Variants in PIEZO2 observed in about 807,000 individuals in gnomAD.
PIEZO2 encodes the protein piezo-type mechanosensitive ion channel component 2.
Under a neutral mutation model 337.3 loss-of-function variants are expected in PIEZO2, and 172 were observed. That is an observed-to-expected ratio of 0.51 (90% CI 0.45 to 0.58). PIEZO2 has a LOEUF of 0.58. PIEZO2 is among the 20% of genes least tolerant of loss of function. The pLI is 0.00. For synonymous variants in PIEZO2, 1,251 were observed against 1,228.5 expected, an observed-to-expected ratio of 1.02 and a Z score of -0.38; for missense variants, 3,028 against 3,391.3, an observed-to-expected ratio of 0.89 and a Z score of 2.66.
Position 11,048,114 on chromosome 18 carries a change from C to T in PIEZO2, c.160+18013G>A, listed in dbSNP as rs902325981. 6.6e-6 allele frequency among the ~76,000 whole-genome samples: 1 copy of T among 152,330 alleles called. No homozygotes were observed. The highest frequency in any genetic ancestry group is 1.9e-4 in the East Asian group (1 of 5,184). ...CCACTGCCACCAACAGCATGTGACA[C>T]CTCTTCAAGCCTGAAAGCCCCTGCT... is the stretch of plus-strand genomic sequence containing the variant. On this transcript the variant is annotated intron_variant, in intron 2 of 55. Transcript: ENST00000674853. This position sits in a 1 kb window ranked among gnomAD's most constrained non-coding sequence, Gnocchi z 4.5.
Position 10,762,614 on chromosome 18 carries a change from A to AT in PIEZO2, c.3134dup (p.Asn1045LysfsTer8). ...ACTCATTAAAGGGGATGTTTGTTTG[A>AT]TTTTCATTTGGCTAAAAAGAAGAGA... On this transcript the variant is annotated frameshift_variant, in exon 23 of 56. Transcript: ENST00000674853. LOFTEE classifies it high-confidence loss of function. 5 of 1,536,760 alleles carry AT rather than the reference A, an allele frequency of 3.3e-6. No individual in the cohort carries two copies. The highest frequency in any genetic ancestry group is 8.7e-7 in the Non-Finnish European group (1 of 1,146,756).
At chr18:10,910,721 C>T (rs996363783) in intron 4 of PIEZO2, among the ~76,000 whole-genome samples, 1 of 152,084 alleles carries the variant, frequency 6.6e-6, no homozygotes, top group African/African-American at 2.4e-5. Flanking sequence ...TGTGGAGATG[C>T]TTTTAGCTAA....
At position 10,705,599 on chromosome 18, in the gene PIEZO2, C is replaced by T. The variant is rs2035548402; in HGVS notation, c.5736G>A (p.Val1912=). 5.2e-6 allele frequency: 8 copies of T among 1,537,104 alleles called. No homozygotes were observed. The highest frequency in any genetic ancestry group is 3.6e-5 in the South Asian group (3 of 84,062). ...TGGCCTCCTCGGCACCCATGGCTCCCACATCGTACCCAGTGGCCTCGTACT... is the reference window on the plus strand; with the variant it reads ...TGGCCTCCTCGGCACCCATGGCTCCTACATCGTACCCAGTGGCCTCGTACT... ...AKEYEATGYD[V]GAMGAEEASL... is the part of the protein sequence containing the mutation. The change falls in exon 41 of 56, where the codon GTG becomes GTA. Residue 1912 remains valine, a synonymous_variant. Coordinates refer to ENST00000674853, the MANE Select transcript of PIEZO2 (RefSeq NM_001378183.1).
intron 1 of PIEZO2, among the ~76,000 whole-genome samples, chr18:11,075,102 C>T (rs1301316655): frequency 6.6e-6 from 1 of 152,186 alleles, no homozygotes; most frequent in Admixed American, 6.5e-5. Context: ...GTTGCCACAG[C>T]AGTAGATAGG....
chr18:10,710,049 T>TTTA (rs2035755448), intron 39 of PIEZO2, among the ~76,000 whole-genome samples: 1 of 152,238 alleles, frequency 6.6e-6, no homozygotes, highest in African/African-American at 2.4e-5. Context: ...GGGCCCCAAT[T>TTTA]TTATGTTTCT....
intron 22 of PIEZO2, 42 bp downstream of exon 22, chr18:10,762,880 C>T (rs1229567653): frequency 1.2e-5 from 19 of 1,522,832 alleles, no homozygotes; most frequent in Non-Finnish European, 1.4e-5. Context: ...CCTTGCTTTG[C>T]TAAAGGGCAG....
chr18:10,729,005 C>T (rs200648985), intron 36 of PIEZO2, among the ~76,000 whole-genome samples: 1 of 148,386 alleles, frequency 6.7e-6, no homozygotes, highest in Non-Finnish European at 1.5e-5. Flanking sequence ...CACCTGCATA[C>T]GTGTGTGCAC....
At chr18:10,883,489 C>T (rs181097849) in intron 4 of PIEZO2, among the ~76,000 whole-genome samples, 184 of 152,168 alleles carry the variant, frequency 1.2e-3, no homozygotes, top group African/African-American at 3.4e-3. Context: ...ATATTTATTA[C>T]GTAGCTAGGC....
rs583258 is a variant in PIEZO2 at position 10,724,837 on chromosome 18, G to C, written c.5029+6570C>G. 512,841 of 1,596,702 alleles carry C rather than the reference G, an allele frequency of 0.32. 84,780 individuals are homozygous for C. Among genetic ancestry groups the C allele is most frequent in the Admixed American group, 0.51 (29,768 of 57,878 alleles). ...GTTCTCACAGATGCACCTGGGCCAC[G>C]GCGGCCACATGCGTCGCAGTGAGAG... On this transcript the variant is annotated intron_variant, in intron 36 of 55. Transcript: ENST00000674853. This position sits in a 1 kb window ranked among gnomAD's most constrained non-coding sequence, Gnocchi z 5.8.
intron 2 of PIEZO2, among the ~76,000 whole-genome samples, chr18:10,990,994 G>A (rs954576607): frequency 1.3e-5 from 2 of 150,728 alleles, no homozygotes; most frequent in Non-Finnish European, 3.0e-5. Context: ...TATTTATCTG[G>A]TTTGGTATTA....
chr18:10,772,399 C>T (rs549579478), intron 20 of PIEZO2, among the ~76,000 whole-genome samples: 15 of 152,320 alleles, frequency 9.8e-5, no homozygotes, highest in African/African-American at 3.6e-4. Flanking sequence ...CAAAATCCAT[C>T]TTGAAGTAGT....
intron 1 of PIEZO2, among the ~76,000 whole-genome samples, chr18:11,145,299 T>C (rs1307035023): frequency 6.6e-6 from 1 of 152,206 alleles, no homozygotes; most frequent in Non-Finnish European, 1.5e-5. Context: ...ACATAACATC[T>C]GCATTGAAGA....
chr18:10,786,169 TC>T (rs1412287767), intron 16 of PIEZO2, among the ~76,000 whole-genome samples: 1 of 152,194 alleles, frequency 6.6e-6, no homozygotes, highest in Admixed American at 6.5e-5. Flanking sequence ...CATTTATAGT[TC>T]CCCCTTACTC....
Position 10,784,278 on chromosome 18 carries a change from T to C in PIEZO2, c.2492+506A>G, listed in dbSNP as rs1298214156. 6.6e-6 allele frequency among the ~76,000 whole-genome samples: 1 copy of C among 152,238 alleles called. No individual in the cohort carries two copies. The highest frequency in any genetic ancestry group is 1.5e-5 in the Non-Finnish European group (1 of 68,044). On this transcript the variant is annotated intron_variant, in intron 17 of 55. Transcript: ENST00000674853. The surrounding 1 kb of genome is among the most constrained non-coding windows in gnomAD (Gnocchi z 4.5). ...CTGCTAAAAGAAGATATTGTCATCA[T>C]GTTGTCCTCTTAAATATGATTGTAG...
intron 21 of PIEZO2, chr18:10,763,413 G>C (rs2038223052): frequency 3.7e-6 from 1 of 270,784 alleles, no homozygotes; most frequent in East Asian, 7.9e-5. Flanking sequence ...CCAATGTGGA[G>C]GTCAGGAAGC....
Position 10,713,824 on chromosome 18 carries a change from C to T in PIEZO2, c.5423+940G>A, listed in dbSNP as rs1213604992. On this transcript the variant is annotated intron_variant, in intron 39 of 55. Coordinates refer to ENST00000674853, the MANE Select transcript of PIEZO2 (RefSeq NM_001378183.1). This position sits in a 1 kb window ranked among gnomAD's most constrained non-coding sequence, Gnocchi z 4.5. ...ATAAGGTGTAATTCATTTGGTCTAG[C>T]GCTTCACCCTAACAAGGCGATTTTT... Among the ~76,000 whole-genome samples, 2 of 152,192 alleles carry T rather than the reference C, an allele frequency of 1.3e-5. No individual in the cohort carries two copies. The highest frequency in any genetic ancestry group is 2.4e-5 in the African/African-American group (1 of 41,444).
intron 55 of PIEZO2, 148 bp from the exon 56 acceptor site, chr18:10,671,927 A>G (rs2033797844): frequency 1.4e-6 from 1 of 694,578 alleles, no homozygotes; most frequent in Non-Finnish European, 2.2e-6. Context: ...CCTTTGGTTA[A>G]AAAGTTGACT....
rs2037495055 is a variant in PIEZO2, at chr18:10,748,003, T to G, written c.4424+468A>C. Among the ~76,000 whole-genome samples, 1 of 151,972 alleles carries G rather than the reference T, an allele frequency of 6.6e-6. No homozygotes were observed. Among genetic ancestry groups the G allele is most frequent in the Non-Finnish European group, 1.5e-5 (1 of 68,006 alleles). ...TCTCCCCAGTCTTTTTTCCTAAACT[T>G]ACAAGAGCAGGGGCAAAAACTGGAA... On this transcript the variant is annotated intron_variant, in intron 30 of 55. Transcript: ENST00000674853. The surrounding 1 kb of genome is among the most constrained non-coding windows in gnomAD (Gnocchi z 5.1).
At chr18:10,858,321 C>CAAAAAAAAAA (rs11361243) in intron 5 of PIEZO2, among the ~76,000 whole-genome samples, 17 of 56,328 alleles carry the variant, frequency 3.0e-4, no homozygotes, top group South Asian at 9.8e-4. Flanking sequence ...GACTTCAACC[C>CAAAAAAAAAA]AAAAAAAAAA....
Sources: allele counts gnomAD v4.1 joint callset (sites outside exome capture counted in the v4.1 genomes callset), GRCh38; gene constraint gnomAD v4.1.1; non-coding constraint Gnocchi (gnomAD v3.1); transcripts MANE v1.5; gene names NCBI Gene and HGNC (gene_info 2026-07-23, HGNC 2026-07-21).